MYO9B: variants seen among roughly 807,000 people sequenced by gnomAD.
MYO9B encodes the protein unconventional myosin-IXb.
In MYO9B, 71 loss-of-function variants were observed where a neutral mutation model predicts 229.5. The observed-to-expected ratio is 0.31, with a 90% CI of 0.26 to 0.38. The LOEUF is 0.38. Ranked by LOEUF, MYO9B falls within the 10% of genes least tolerant of loss-of-function variation. The pLI is 1.00. For missense variants in MYO9B, 2,255 were observed against 2,920.5 expected (o/e 0.77, Z 5.25); for synonymous variants, 1,185 against 1,235.8 (o/e 0.96, Z 0.86).
intron 1 of MYO9B, among the ~76,000 whole-genome samples, chr19:17,098,544 T>C (rs529114317): frequency 6.6e-6 from 1 of 152,340 alleles, no homozygotes; most frequent in South Asian, 2.1e-4. Context: ...GGTTGACTCA[T>C]GCCGCATTTA....
At chr19:17,179,451 G>C (rs1365619721) in intron 14 of MYO9B, among the ~76,000 whole-genome samples, 1 of 100,704 alleles carries the variant, frequency 9.9e-6, no homozygotes, top group Non-Finnish European at 1.8e-5. Context: ...TTTTTAGACA[G>C]AGTCTCACTC....
chr19:17,131,345 T>C (rs2072193557), intron 2 of MYO9B, among the ~76,000 whole-genome samples: 1 of 152,250 alleles, frequency 6.6e-6, no homozygotes, highest in Non-Finnish European at 1.5e-5. Flanking sequence ...CTCGGCACAC[T>C]GCAACCGCTG....
intron 1 of MYO9B, among the ~76,000 whole-genome samples, chr19:17,100,645 G>A (rs80154592): frequency 0.065 from 9,865 of 152,150 alleles, 347 homozygotes; most frequent in South Asian, 0.11. Flanking sequence ...TGGACAGCTA[G>A]CTCCTCAGTC....
chr19:17,094,371 A>T (rs181167127), intron 1 of MYO9B, among the ~76,000 whole-genome samples: 5 of 152,192 alleles, frequency 3.3e-5, no homozygotes, highest in Non-Finnish European at 5.9e-5. Context: ...TATCCAGGTG[A>T]AATTGTTGCA....
intron 6 of MYO9B, among the ~76,000 whole-genome samples, chr19:17,155,258 G>A (rs1328568160): frequency 3.3e-5 from 5 of 151,762 alleles, no homozygotes; most frequent in African/African-American, 1.2e-4. Context: ...CGAGATCATG[G>A]CTCACTGCAG....
intron 36 of MYO9B, 112 bp downstream of exon 36, chr19:17,209,821 G>A: frequency 7.2e-7 from 1 of 1,392,010 alleles, no homozygotes; most frequent in Non-Finnish European, 9.7e-7. Context: ...TGGGGTCTTG[G>A]TGGGCGGGGC....
chr19:17,204,521 T>TCCTG (rs2073139660), intron 30 of MYO9B, among the ~76,000 whole-genome samples: 2 of 151,186 alleles, frequency 1.3e-5, no homozygotes, highest in Admixed American at 6.6e-5. Flanking sequence ...CTCTCAGGAG[T>TCCTG]CAGGGCACAG....
chr19:17,153,819 T>C, intron 4 of MYO9B, 148 bp from the exon 5 acceptor site: 1 of 624,844 alleles, frequency 1.6e-6, no homozygotes, highest in South Asian at 2.0e-5. Flanking sequence ...TTGTTTTGTT[T>C]TTTTAAGACA....
At chr19:17,097,513 A>G (rs2057704507) in intron 1 of MYO9B, among the ~76,000 whole-genome samples, 1 of 152,210 alleles carries the variant, frequency 6.6e-6, no homozygotes, top group Admixed American at 6.5e-5. Flanking sequence ...AGACAATCCA[A>G]AATTTATTAA....
intron 2 of MYO9B, among the ~76,000 whole-genome samples, chr19:17,135,859 G>A (rs1056390333): frequency 2.0e-5 from 3 of 152,102 alleles, no homozygotes; most frequent in Non-Finnish European, 4.4e-5. Flanking sequence ...TGTCCCCTGG[G>A]TTTAAAGTGA....
In MYO9B at chr19:17,212,399, AG is replaced by A. The variant is rs1306056253; in HGVS notation, c.*90del. On this transcript the variant is annotated 3_prime_UTR_variant, in exon 40 of 40. Coordinates refer to ENST00000682292, the MANE Select transcript of MYO9B (RefSeq NM_004145.4). This position sits in a 1 kb window ranked among gnomAD's most constrained non-coding sequence, Gnocchi z 5.4. ...GCTGCAGAGCTAGTGTTCGGCCCTC[AG>A]AGAAGGATCCAGAATCAAAAGCTCA... 7 of 1,358,384 alleles carry A rather than the reference AG, an allele frequency of 5.2e-6. No homozygotes were observed. The East Asian group carries it at 1.9e-4, about 37-fold the overall frequency. 84.1% of individuals were successfully genotyped at this position (1,358,384 alleles called of 1,614,324 possible).
chr19:17,180,094 A>AT (rs148865323), intron 14 of MYO9B, among the ~76,000 whole-genome samples: 1,822 of 150,812 alleles, frequency 0.012, 19 homozygotes, highest in Non-Finnish European at 0.018. Flanking sequence ...TTAGCCGGGC[A>AT]TGGTGGTGCA....
intron 1 of MYO9B, among the ~76,000 whole-genome samples, chr19:17,087,126 C>T (rs2057590637): frequency 6.6e-6 from 1 of 152,152 alleles, no homozygotes; most frequent in Non-Finnish European, 1.5e-5. Flanking sequence ...CATTTGTTAA[C>T]CATATGTTGA....
intron 2 of MYO9B, among the ~76,000 whole-genome samples, chr19:17,113,487 C>A (rs2057868776): frequency 1.3e-5 from 2 of 152,194 alleles, no homozygotes; most frequent in African/African-American, 4.8e-5. Context: ...CCCAGGCCAT[C>A]CGAAAGGCTA....
At chr19:17,106,750 A>G (rs1381908719) in intron 2 of MYO9B, among the ~76,000 whole-genome samples, 2 of 152,138 alleles carry the variant, frequency 1.3e-5, no homozygotes, top group Non-Finnish European at 2.9e-5. Flanking sequence ...ACATTGCAAG[A>G]CCCCATCTCT....
chr19:17,081,937 G>A (rs2057537787), intron 1 of MYO9B, among the ~76,000 whole-genome samples: 1 of 152,044 alleles, frequency 6.6e-6, no homozygotes, highest in African/African-American at 2.4e-5. Flanking sequence ...GAAGCAGGAT[G>A]AAGTTTACAA....
At chr19:17,207,061 G>T in intron 34 of MYO9B, 52 bp from the exon 35 acceptor site, 3 of 1,596,242 alleles carry the variant, frequency 1.9e-6, no homozygotes, top group East Asian at 2.3e-5. Flanking sequence ...GGGCTCCCTG[G>T]TACCTCCCTC....
intron 2 of MYO9B, among the ~76,000 whole-genome samples, chr19:17,132,347 G>A (rs1003900709): frequency 6.0e-5 from 9 of 149,546 alleles, no homozygotes; most frequent in African/African-American, 7.3e-5. Flanking sequence ...CACCACGCCC[G>A]GCTAATTTTT....
chr19:17,206,876 T>C, intron 34 of MYO9B, 92 bp downstream of exon 34: 1 of 1,318,294 alleles, frequency 7.6e-7, no homozygotes, highest in Non-Finnish European at 1.1e-6. Context: ...GCTGGCGTTC[T>C]GTGGTGGTTT....
Sources: gnomAD v4.1 joint callset for allele counts (sites outside exome capture counted in the v4.1 genomes callset) on GRCh38, gnomAD v4.1.1 for gene constraint, Gnocchi (gnomAD v3.1) non-coding constraint, MANE v1.5 for transcripts, NCBI Gene and HGNC (gene_info 2026-07-23, HGNC 2026-07-21) for gene names.